Variants in NRG3 observed in about 807,000 individuals in gnomAD.
NRG3 encodes pro-neuregulin-3, membrane-bound isoform.
In NRG3, 31 loss-of-function variants were observed where a neutral mutation model predicts 66.9. The observed-to-expected ratio is 0.46, with a 90% confidence interval of 0.35 to 0.63. The LOEUF (loss-of-function observed/expected upper bound fraction) is 0.63. Ranked by LOEUF, NRG3 falls within the 20% of genes least tolerant of loss-of-function variation. The probability of loss-of-function intolerance (pLI) is 0.00; values close to 1 mark genes in which losing one functional copy is unlikely to be tolerated. For synonymous variants in NRG3, 393 were observed against 359.4 expected, an observed-to-expected ratio of 1.09 and a Z score of -1.06; for missense variants, 910 against 878.9, an observed-to-expected ratio of 1.04 and a Z score of -0.45.
intron 1 of NRG3, among the ~76,000 whole-genome samples, chr10:81,979,696 G>A (rs2060263336): frequency 6.6e-6 from 1 of 152,010 alleles, no homozygotes; most frequent in African/African-American, 2.4e-5. Flanking sequence ...ATATACATAC[G>A]GACTCACATG....
chr10:81,913,432 T>C (rs1015128341), intron 1 of NRG3, among the ~76,000 whole-genome samples: 4 of 152,086 alleles, frequency 2.6e-5, no homozygotes, highest in Admixed American at 6.6e-5. Flanking sequence ...TTTCTTTTTT[T>C]TTTTTCTTTG....
At chr10:82,044,329 G>A (rs1206406423) in intron 1 of NRG3, among the ~76,000 whole-genome samples, 1 of 151,914 alleles carries the variant, frequency 6.6e-6, no homozygotes, top group Non-Finnish European at 1.5e-5. Context: ...ACCTAACCGT[G>A]GACAGGATAC....
chr10:82,468,364 G>GACCTTTAGAGGAAGTGTCAC (rs1486371790), intron 2 of NRG3, among the ~76,000 whole-genome samples: 1 of 150,758 alleles, frequency 6.6e-6, no homozygotes, highest in African/African-American at 2.5e-5. Context: ...GGAAGTGTCA[G>GACCTTTAGAGGAAGTGTCAC]ACCTTTAGAG....
At chr10:82,364,183 A>G (rs982318255) in intron 2 of NRG3, among the ~76,000 whole-genome samples, 1 of 152,192 alleles carries the variant, frequency 6.6e-6, no homozygotes, top group Non-Finnish European at 1.5e-5. Context: ...AATCAAGGTC[A>G]TTATAATTCA....
At chr10:82,424,083 C>T (rs377400230) in intron 2 of NRG3, among the ~76,000 whole-genome samples, 22 of 152,080 alleles carry the variant, frequency 1.4e-4, no homozygotes, top group African/African-American at 4.8e-4. Context: ...GCTATGGTGA[C>T]TAATGCTTCT....
At position 82,132,498 on chromosome 10, in the gene NRG3, T is replaced by TC. The variant is rs1564593573; in HGVS notation, c.824-226241_824-226240insC. 3.3e-3 allele frequency among the ~76,000 whole-genome samples: 114 copies of TC among 34,848 alleles called. 12 individuals carry two copies. Among genetic ancestry groups the TC allele is most frequent in the African/African-American group, 0.019 (111 of 5,800 alleles). The allele number at this position is 34,848 out of a possible 152,430, so 22.9% of individuals were successfully genotyped here. A position where few individuals can be genotyped will look rare whatever the true frequency, so the allele number is the denominator to read the frequency against. On this transcript the variant is annotated intron_variant, in intron 1 of 8. Coordinates refer to ENST00000372141, the MANE Select transcript of NRG3 (RefSeq NM_001010848.4). ...ATATATGATATATATATATGATATA[T>TC]ATATATCATATATATATGATATATA...
intron 2 of NRG3, among the ~76,000 whole-genome samples, chr10:82,405,729 A>C (rs897112362): frequency 3.9e-5 from 6 of 152,096 alleles, no homozygotes; most frequent in African/African-American, 1.4e-4. Context: ...CAGCCTCCCA[A>C]AGTGCTGGGA....
At chr10:82,195,272 T>C (rs146214013) in intron 1 of NRG3, among the ~76,000 whole-genome samples, 3 of 152,314 alleles carry the variant, frequency 2.0e-5, no homozygotes, top group African/African-American at 7.2e-5. Context: ...TTGTTCATGT[T>C]TCCATGGACA....
intron 1 of NRG3, among the ~76,000 whole-genome samples, chr10:82,214,980 C>T (rs763001190): frequency 1.3e-5 from 2 of 152,128 alleles, no homozygotes; most frequent in Non-Finnish European, 2.9e-5. Context: ...TCCCCATTCC[C>T]CCAACATGAT....
At chr10:82,028,386 C>T (rs549469278) in intron 1 of NRG3, among the ~76,000 whole-genome samples, 47 of 152,212 alleles carry the variant, frequency 3.1e-4, no homozygotes, top group Admixed American at 2.9e-3. Flanking sequence ...TTGTTGCCTT[C>T]TGCTCTTCAA....
chr10:82,154,674 A>T (rs1199576811), intron 1 of NRG3, among the ~76,000 whole-genome samples: 9 of 151,868 alleles, frequency 5.9e-5, no homozygotes, highest in African/African-American at 1.9e-4. Context: ...GGACATGTAA[A>T]TGATATTAAT....
intron 1 of NRG3, among the ~76,000 whole-genome samples, chr10:82,090,537 T>C (rs1031160662): frequency 1.3e-5 from 2 of 152,236 alleles, no homozygotes; most frequent in African/African-American, 4.8e-5. Flanking sequence ...TCCATTGTTT[T>C]TTAATGAAGC....
intron 2 of NRG3, among the ~76,000 whole-genome samples, chr10:82,732,990 T>C (rs898757003): frequency 6.6e-6 from 1 of 152,246 alleles, no homozygotes; most frequent in Non-Finnish European, 1.5e-5. Flanking sequence ...GTTTCTATTT[T>C]CCTGTAACAC....
At chr10:82,522,158 C>G (rs1846258879) in intron 2 of NRG3, among the ~76,000 whole-genome samples, 1 of 151,390 alleles carries the variant, frequency 6.6e-6, no homozygotes, top group Admixed American at 6.6e-5. Flanking sequence ...ATTCTCCTGC[C>G]TCAGCCTCCC....
At chr10:82,951,016 G>A (rs1340441071) in intron 4 of NRG3, among the ~76,000 whole-genome samples, 1 of 152,146 alleles carries the variant, frequency 6.6e-6, no homozygotes, top group Non-Finnish European at 1.5e-5. Context: ...AAGAATGGGA[G>A]GCTGACAGCC....
chr10:82,111,629 G>A (rs902472506), intron 1 of NRG3, among the ~76,000 whole-genome samples: 2 of 152,060 alleles, frequency 1.3e-5, no homozygotes, highest in African/African-American at 4.8e-5. Context: ...CTTTCATCCA[G>A]CTGTGAATTT....
At chr10:82,357,256 G>A (rs1292188242) in intron 1 of NRG3, among the ~76,000 whole-genome samples, 1 of 152,190 alleles carries the variant, frequency 6.6e-6, no homozygotes, top group African/African-American at 2.4e-5. Flanking sequence ...CCCATGCCCT[G>A]GTTTGCCCTA....
intron 3 of NRG3, among the ~76,000 whole-genome samples, chr10:82,775,455 C>T (rs1300716447): frequency 1.3e-5 from 2 of 151,770 alleles, no homozygotes; most frequent in Non-Finnish European, 2.9e-5. Context: ...GTTTCATATA[C>T]TTATAGTTCA....
chr10:82,273,271 A>T (rs1470993695), intron 1 of NRG3, among the ~76,000 whole-genome samples: 1 of 151,890 alleles, frequency 6.6e-6, no homozygotes, highest in Non-Finnish European at 1.5e-5. Flanking sequence ...GCTTAGTCAC[A>T]TTGAGCACAT....
Sources: allele counts gnomAD v4.1 joint callset (sites outside exome capture counted in the v4.1 genomes callset), GRCh38; gene constraint gnomAD v4.1.1; transcripts MANE v1.5; gene names NCBI Gene and HGNC (gene_info 2026-07-23, HGNC 2026-07-21).